NID2: variants seen among roughly 807,000 people sequenced by gnomAD.
NID2 encodes nidogen 2.
In NID2, 83 loss-of-function variants were observed where a neutral mutation model predicts 145.4. That is an observed-to-expected ratio of 0.57 (90% CI 0.48 to 0.69). The LOEUF is 0.69. NID2 is among the 30% of genes least tolerant of loss of function. The probability of loss-of-function intolerance (pLI) is 0.00; values close to 1 mark genes in which losing one functional copy is unlikely to be tolerated. For missense variants in NID2, 1,807 were observed against 1,765.7 expected (o/e 1.02, Z -0.42); for synonymous variants, 739 against 701.3 (o/e 1.05, Z -0.85).
At chr14:52,026,995 A>ATC (rs1189416023) in intron 12 of NID2, among the ~76,000 whole-genome samples, 1 of 152,216 alleles carries the variant, frequency 6.6e-6, no homozygotes, top group Non-Finnish European at 1.5e-5. Flanking sequence ...CAAGGAAGCC[A>ATC]TATATGCTCG....
chr14:52,008,444 A>G (rs1309690398), intron 18 of NID2: 1 of 152,964 alleles, frequency 6.5e-6, no homozygotes, highest in Non-Finnish European at 1.5e-5. Context: ...CTCGGTGAAG[A>G]CACACTTGGA....
intron 5 of NID2, among the ~76,000 whole-genome samples, chr14:52,043,596 C>G (rs1892366448): frequency 6.6e-6 from 1 of 152,154 alleles, no homozygotes; most frequent in Non-Finnish European, 1.5e-5. Context: ...CAGTAGCAGA[C>G]AGCTTGGGCC....
At chr14:52,014,261 C>T (rs1389908616) in intron 16 of NID2, 26 bp downstream of exon 16, 1 of 1,613,988 alleles carries the variant, frequency 6.2e-7, no homozygotes, top group Non-Finnish European at 8.5e-7. Context: ...CGCAGCCCTG[C>T]CCCCTACAGG....
At chr14:52,029,722 T>C (rs763499837) in intron 9 of NID2, 32 bp from the exon 10 acceptor site, 10 of 1,601,260 alleles carry the variant, frequency 6.2e-6, no homozygotes, top group East Asian at 2.2e-5. Context: ...AAAAGCACAA[T>C]CTGGCTATTG....
In NID2 at chr14:52,014,368, A is replaced by G; in HGVS notation, c.3339T>C (p.Thr1113=). The change falls in exon 16 of 22, where the codon ACT becomes ACC. Residue 1113 remains threonine, a synonymous_variant. Transcript: ENST00000216286. ...GTAAGTAGCCAATCTGCTGGCCCTG[A>G]GTATAGAGCAGGAAGGTGCCCACAG... ...PPSVGTFLLY[T]QGQQIGYLPL... The G allele has an allele frequency of 1.2e-6, 2 of 1,614,200 alleles. No individual in the cohort carries two copies. Among genetic ancestry groups the G allele is most frequent in the Non-Finnish European group, 1.7e-6 (2 of 1,180,036 alleles).
At chr14:52,067,426 A>G (rs745671561) in intron 2 of NID2, among the ~76,000 whole-genome samples, 1 of 152,380 alleles carries the variant, frequency 6.6e-6, no homozygotes, top group Non-Finnish European at 1.5e-5. Context: ...AAATGTACGC[A>G]GAAAAATGTT....
intron 9 of NID2, 25 bp from the exon 10 acceptor site, chr14:52,029,715 AG>A (rs1891731439): frequency 1.2e-6 from 2 of 1,605,960 alleles, no homozygotes; most frequent in African/African-American, 2.7e-5. Flanking sequence ...GGGAAATAAA[AG>A]CACAATCTGG....
intron 9 of NID2, among the ~76,000 whole-genome samples, chr14:52,031,970 A>C (rs538169420): frequency 1.3e-5 from 2 of 152,170 alleles, no homozygotes; most frequent in Non-Finnish European, 2.9e-5. Context: ...CTCCTAATCT[A>C]GATCCCAAGT....
At position 52,007,947 on chromosome 14, in the gene NID2, C is replaced by T. The variant is rs1223301711; in HGVS notation, c.3743G>A (p.Trp1248Ter). The change falls in exon 19 of 22, where the codon TGG (tryptophan) becomes TAG (stop). Residue 1248 changes from tryptophan to a stop codon, truncating the protein, a stop_gained. Coordinates refer to ENST00000216286, the MANE Select transcript of NID2 (RefSeq NM_007361.4). LOFTEE classifies it high-confidence loss of function. ...TTCAATTTTAGGAGCTTCTCTATTC[C>T]AGTCTGTCCAGTACAAGTTGCTGTA... ...PIRGNLYWTD[W>*]NREAPKIETS... 6.2e-7 allele frequency: 1 copy of T among 1,611,900 alleles called. No individual in the cohort carries two copies. The highest frequency in any genetic ancestry group is 2.2e-5 in the East Asian group (1 of 44,866).
intron 9 of NID2, among the ~76,000 whole-genome samples, chr14:52,033,364 T>A (rs1333728068): frequency 6.6e-6 from 1 of 152,128 alleles, no homozygotes; most frequent in Non-Finnish European, 1.5e-5. Flanking sequence ...CAGGAAGCAT[T>A]TTTGGATCGT....
In NID2 at chr14:52,055,601, C is replaced by T. The variant is rs561759447; in HGVS notation, c.768-1280G>A. Among the ~76,000 whole-genome samples the T allele has an allele frequency of 5.2e-3, 792 of 152,198 alleles. 5 individuals carry two copies. Among genetic ancestry groups the T allele is most frequent in the Middle Eastern group, 0.014 (4 of 294 alleles). On this transcript the variant is annotated intron_variant, in intron 3 of 21. Transcript: ENST00000216286. Reference sequence around the variant, plus strand: ...TCCCAATAACCCATTATTTTAGAGTCAATGGTATACCCTAAAGAGAACAAC... The same window carrying T: ...TCCCAATAACCCATTATTTTAGAGTTAATGGTATACCCTAAAGAGAACAAC...
At chr14:52,042,744 G>A (rs758215437) in intron 6 of NID2, 38 bp downstream of exon 6, 8 of 1,605,028 alleles carry the variant, frequency 5.0e-6, no homozygotes, top group Non-Finnish European at 6.0e-6. Context: ...TAAGCAGCAG[G>A]AATAGACACA....
chr14:52,027,116 G>A (rs1030821658), intron 12 of NID2, 85 bp downstream of exon 12: 6 of 1,319,342 alleles, frequency 4.5e-6, no homozygotes, highest in Non-Finnish European at 6.0e-6. Context: ...GAAGTCCTTT[G>A]TCTTTTCTGG....
intron 9 of NID2, among the ~76,000 whole-genome samples, chr14:52,035,948 A>G (rs925664281): frequency 2.0e-5 from 3 of 149,178 alleles, no homozygotes; most frequent in Admixed American, 6.7e-5. Flanking sequence ...ACCTCAGGTG[A>G]TCCACCCACC....
At chr14:52,005,623 G>A in intron 21 of NID2, 114 bp downstream of exon 21, 2 of 1,414,810 alleles carry the variant, frequency 1.4e-6, no homozygotes, top group East Asian at 2.3e-5. Context: ...TGGCCCTCAG[G>A]GCAGGAAGAA....
intron 12 of NID2, 43 bp from the exon 13 acceptor site, chr14:52,020,221 G>T: frequency 1.2e-6 from 2 of 1,609,698 alleles, no homozygotes; most frequent in South Asian, 2.2e-5. Flanking sequence ...AGAACACTAT[G>T]ACTTCACTCA....
intron 21 of NID2, 87 bp from the exon 22 acceptor site, chr14:52,005,583 TA>T: frequency 6.6e-7 from 1 of 1,506,094 alleles, no homozygotes; most frequent in Admixed American, 1.8e-5. Context: ...ATTTTGTGTA[TA>T]AACTAGGTAG....
chr14:52,005,796 A>G lies in NID2; in HGVS notation c.4058T>C (p.Leu1353Pro). The part of the protein sequence containing the change: ...KHSGQFTDEY[L>P]PEQRSHLYGI... ...GTAGAGGTGAGATCGTTGTTCTGGGAGATACTCATCAGTAAACTGGCCACT... is the reference window on the plus strand; with the variant it reads ...GTAGAGGTGAGATCGTTGTTCTGGGGGATACTCATCAGTAAACTGGCCACT... Residue 1353 changes from leucine (L) to proline (P), a missense_variant, in exon 21 of 22, where the codon CTC (leucine) becomes CCC (proline). By Grantham distance (98) the Leu-to-Pro change is moderately conservative. Coordinates refer to ENST00000216286, the MANE Select transcript of NID2 (RefSeq NM_007361.4). 1 of 1,613,920 alleles carries G rather than the reference A, an allele frequency of 6.2e-7. No homozygotes were observed. Among genetic ancestry groups the G allele is most frequent in the Non-Finnish European group, 8.5e-7 (1 of 1,179,806 alleles).
At chr14:52,034,307 G>T (rs1256382125) in intron 9 of NID2, among the ~76,000 whole-genome samples, 2 of 40,862 alleles carry the variant, frequency 4.9e-5, no homozygotes, top group Admixed American at 6.3e-4. Context: ...CATAGCCTGG[G>T]AAATTTCACT....
Sources: allele counts gnomAD v4.1 joint callset (sites outside exome capture counted in the v4.1 genomes callset), GRCh38; gene constraint gnomAD v4.1.1; transcripts MANE v1.5; gene names NCBI Gene and HGNC (gene_info 2026-07-23, HGNC 2026-07-21).